The following CCDC148 variants were observed in gnomAD, a reference collection of about 807,000 sequenced individuals.
CCDC148 encodes the protein coiled-coil domain-containing protein 148.
CCDC148 carries 89 observed loss-of-function variants against 85.7 expected under a neutral mutation model. That is an observed-to-expected ratio of 1.04 (90% confidence interval 0.87 to 1.24). The LOEUF (loss-of-function observed/expected upper bound fraction) is 1.24, where lower values mean the gene tolerates loss of function less well. CCDC148 is among the 50% of genes most tolerant of loss of function. CCDC148 has a pLI of 0.00. For synonymous variants in CCDC148, 230 were observed against 213.9 expected (o/e 1.08, Z -0.66); for missense variants, 692 against 671.7 (o/e 1.03, Z -0.33).
intron 4 of CCDC148, 71 bp downstream of exon 4, chr2:158,340,527 T>G (rs1186200086): frequency 1.5e-6 from 2 of 1,376,136 alleles, no homozygotes; most frequent in Non-Finnish European, 2.0e-6. Context: ...TAAAAGAACA[T>G]GAAGTGAGTG....
chr2:158,280,934 A>G (rs1690256649), intron 9 of CCDC148, among the ~76,000 whole-genome samples: 1 of 152,216 alleles, frequency 6.6e-6, no homozygotes, highest in African/African-American at 2.4e-5. Context: ...TATCTCTCAG[A>G]CCACAGTGCA....
At chr2:158,353,730 A>C (rs1326021749) in intron 2 of CCDC148, among the ~76,000 whole-genome samples, 2 of 152,192 alleles carry the variant, frequency 1.3e-5, no homozygotes, top group Non-Finnish European at 2.9e-5. Context: ...AGCAGACCTA[A>C]TAGATATCTA....
At chr2:158,273,881 T>A (rs908701586) in intron 9 of CCDC148, among the ~76,000 whole-genome samples, 3 of 151,908 alleles carry the variant, frequency 2.0e-5, no homozygotes, top group African/African-American at 7.3e-5. Context: ...CAAAAAAAAA[T>A]ATTACAAGTG....
At chr2:158,389,614 G>A (rs927794587) in intron 1 of CCDC148, among the ~76,000 whole-genome samples, 12 of 152,162 alleles carry the variant, frequency 7.9e-5, no homozygotes, top group Admixed American at 1.3e-4. Flanking sequence ...AGAGCTAAGT[G>A]AAAAATGCTC....
chr2:158,278,909 C>G (rs975999480), intron 9 of CCDC148, among the ~76,000 whole-genome samples: 1 of 152,142 alleles, frequency 6.6e-6, no homozygotes, highest in Non-Finnish European at 1.5e-5. Flanking sequence ...CTCACACAGC[C>G]GGGTACTCCT....
At chr2:158,234,643 T>C (rs1325521225) in intron 10 of CCDC148, among the ~76,000 whole-genome samples, 13 of 152,152 alleles carry the variant, frequency 8.5e-5, no homozygotes. Flanking sequence ...AACAATGTAA[T>C]GATCCCAAGT....
At chr2:158,398,160 T>C (rs1215937624) in intron 1 of CCDC148, among the ~76,000 whole-genome samples, 3 of 152,056 alleles carry the variant, frequency 2.0e-5, no homozygotes, top group African/African-American at 7.2e-5. Context: ...AGACTTAGCC[T>C]CCCACACAAT....
chr2:158,390,247 G>T (rs1225543701), intron 1 of CCDC148, among the ~76,000 whole-genome samples: 1 of 152,220 alleles, frequency 6.6e-6, no homozygotes, highest in Admixed American at 6.6e-5. Context: ...GCTGGAAGGG[G>T]ATTCTCTGAG....
At chr2:158,427,830 C>T (rs1346644046) in intron 1 of CCDC148, among the ~76,000 whole-genome samples, 1 of 152,050 alleles carries the variant, frequency 6.6e-6, no homozygotes, top group South Asian at 2.1e-4. Flanking sequence ...ATCATCACAC[C>T]ACTGCACTCT....
chr2:158,258,084 C>T (rs1353982149), intron 9 of CCDC148, among the ~76,000 whole-genome samples: 3 of 151,848 alleles, frequency 2.0e-5, no homozygotes, highest in African/African-American at 7.2e-5. Context: ...AATTCATTAA[C>T]TGGATCATGA....
At chr2:158,179,043 T>C (rs1366054265) in intron 11 of CCDC148, 47 bp from the exon 12 acceptor site, 12 of 1,418,150 alleles carry the variant, frequency 8.5e-6, no homozygotes, top group South Asian at 2.3e-5. Flanking sequence ...CATAATAATA[T>C]TGGAGATTGT....
chr2:158,319,233 T>G (rs1241646179), intron 7 of CCDC148, among the ~76,000 whole-genome samples: 2 of 151,876 alleles, frequency 1.3e-5, no homozygotes, highest in African/African-American at 4.8e-5. Context: ...AGATCCACTC[T>G]CCTCCATCCA....
intron 9 of CCDC148, among the ~76,000 whole-genome samples, chr2:158,301,017 G>C (rs1029453690): frequency 2.0e-5 from 3 of 152,074 alleles, no homozygotes; most frequent in Non-Finnish European, 4.4e-5. Context: ...ACTACTCCTG[G>C]CTGTTTTTTT....
chr2:158,449,951 T>C (rs956963177), intron 1 of CCDC148, among the ~76,000 whole-genome samples: 1 of 152,190 alleles, frequency 6.6e-6, no homozygotes, highest in Non-Finnish European at 1.5e-5. Context: ...CGGTGTTGTA[T>C]CTTGTCAATT....
chr2:158,192,995 A>G (rs1685494220), intron 11 of CCDC148, among the ~76,000 whole-genome samples: 1 of 152,054 alleles, frequency 6.6e-6, no homozygotes, highest in Non-Finnish European at 1.5e-5. Flanking sequence ...AAGTGACTCA[A>G]ATTTTAATCT....
intron 11 of CCDC148, among the ~76,000 whole-genome samples, chr2:158,194,884 C>A (rs143131439): frequency 6.6e-6 from 1 of 151,994 alleles, no homozygotes; most frequent in Non-Finnish European, 1.5e-5. Flanking sequence ...GCATCCCATC[C>A]CCCATCTGCT....
chr2:158,352,276 C>T (rs1168572112), intron 2 of CCDC148, among the ~76,000 whole-genome samples: 1 of 150,522 alleles, frequency 6.6e-6, no homozygotes, highest in Non-Finnish European at 1.5e-5. Flanking sequence ...TCAAATTACT[C>T]TGAGCTACGG....
At chr2:158,407,698 G>A (rs1057136971) in intron 1 of CCDC148, among the ~76,000 whole-genome samples, 8 of 152,178 alleles carry the variant, frequency 5.3e-5, no homozygotes, top group African/African-American at 1.9e-4. Context: ...GGTCCCAGCT[G>A]AAGAATAGAC....
At chr2:158,385,816 G>T (rs1234764199) in intron 1 of CCDC148, among the ~76,000 whole-genome samples, 1 of 151,962 alleles carries the variant, frequency 6.6e-6, no homozygotes, top group Non-Finnish European at 1.5e-5. Context: ...GGCAAGATAG[G>T]GCCTCTTGAA....
Sources: gnomAD v4.1 joint callset for allele counts (sites outside exome capture counted in the v4.1 genomes callset) on GRCh38, gnomAD v4.1.1 for gene constraint, MANE v1.5 for transcripts, NCBI Gene and HGNC (gene_info 2026-07-23, HGNC 2026-07-21) for gene names.